The following ZNF430 variants were observed in gnomAD, a reference collection of about 807,000 sequenced individuals.
The protein encoded by ZNF430 is zinc finger protein 430.
A neutral mutation model predicts 56.7 loss-of-function variants in ZNF430; 35 were observed. That is an observed-to-expected ratio of 0.62 (90% CI 0.47 to 0.82). The LOEUF is 0.82. Among genes scored for constraint, ZNF430 ranks in the 40% least tolerant of loss-of-function variants. The pLI is 0.00. For missense variants in ZNF430, 574 were observed against 661.0 expected, an observed-to-expected ratio of 0.87 and a Z score of 1.44; for synonymous variants, 212 against 224.3, an observed-to-expected ratio of 0.94 and a Z score of 0.49.
intron 4 of ZNF430, among the ~76,000 whole-genome samples, chr19:21,040,471 A>T (rs184105282): frequency 1.8e-3 from 279 of 152,242 alleles, no homozygotes; most frequent in African/African-American, 6.5e-3. Context: ...TTCACCTCAC[A>T]CTTGCTCTGT....
intron 3 of ZNF430, 74 bp downstream of exon 3, chr19:21,033,656 TG>T (rs1379962397): frequency 6.8e-7 from 1 of 1,469,718 alleles, no homozygotes; most frequent in South Asian, 1.3e-5. Flanking sequence ...GAATAATTTT[TG>T]GTAATTTATG....
At chr19:21,025,911 C>G in intron 2 of ZNF430, 1 of 405,234 alleles carries the variant, frequency 2.5e-6, no homozygotes, top group Non-Finnish European at 4.6e-6. Flanking sequence ...GCAGCCATAT[C>G]TTCTTAATAC....
intron 4 of ZNF430, among the ~76,000 whole-genome samples, chr19:21,038,970 G>A (rs1968052013): frequency 6.6e-6 from 1 of 152,044 alleles, no homozygotes; most frequent in Non-Finnish European, 1.5e-5. Flanking sequence ...ATTGATTCGA[G>A]ACAGAGTCTC....
intron 2 of ZNF430, among the ~76,000 whole-genome samples, chr19:21,031,029 C>T (rs548837595): frequency 6.6e-6 from 1 of 152,146 alleles, no homozygotes; most frequent in South Asian, 2.1e-4. Context: ...ATTACAGGCA[C>T]CCGCCACCAT....
rs1204700032 is a variant in ZNF430, at chr19:21,056,905, T to C, written c.597T>C (p.His199=). 6.2e-7 allele frequency: 1 copy of C among 1,612,494 alleles called. No homozygotes were observed. Among genetic ancestry groups the C allele is most frequent in the Admixed American group, 1.7e-5 (1 of 59,746 alleles). The stretch of plus-strand genomic sequence containing the variant: ...ATCCAAATATACAAAAGATAAGACA[T>C]ACTGGAAAGAAGCCTTTCAAATGTA... ...FSNPNIQKIR[H]TGKKPFKCKK... Residue 199 remains histidine, a synonymous_variant, in exon 5 of 5, where the codon CAT becomes CAC. Coordinates refer to ENST00000261560, the MANE Select transcript of ZNF430 (RefSeq NM_025189.4).
chr19:21,047,199 C>G (rs974600060), intron 4 of ZNF430, among the ~76,000 whole-genome samples: 4 of 152,020 alleles, frequency 2.6e-5, no homozygotes, highest in Non-Finnish European at 5.9e-5. Context: ...ATTTATGTTC[C>G]TCTCTAAATT....
At chr19:21,025,447 A>G (rs945653500) in intron 2 of ZNF430, among the ~76,000 whole-genome samples, 8 of 152,114 alleles carry the variant, frequency 5.3e-5, no homozygotes, top group African/African-American at 1.9e-4. Flanking sequence ...TATAACCTGT[A>G]TCTTGTGCTG....
In ZNF430 at chr19:21,058,690, C is replaced by T. The variant is rs988976425; in HGVS notation, c.*669C>T. ...TGTGGCAAAACTTTTAATGAATGCT[C>T]ACACCTTATTGCACAGGAGAGCATT... is the stretch of plus-strand genomic sequence containing the variant. On this transcript the variant is annotated 3_prime_UTR_variant, in exon 5 of 5. Coordinates refer to ENST00000261560, the MANE Select transcript of ZNF430 (RefSeq NM_025189.4). 1 of 152,874 alleles carries T rather than the reference C, an allele frequency of 6.5e-6. No individual in the cohort carries two copies. The highest frequency in any genetic ancestry group is 2.4e-5 in the African/African-American group (1 of 41,340). 9.5% of individuals were successfully genotyped at this position (152,874 alleles called of 1,614,324 possible).
rs893483837 is a variant in ZNF430, at chr19:21,047,828, T to G, written c.323-8803T>G. Among the ~76,000 whole-genome samples the G allele has an allele frequency of 2.0e-5, 3 of 152,198 alleles. No individual in the cohort carries two copies. The East Asian group carries it at 5.8e-4, about 29-fold the overall frequency. ...TCACCCAGTCAGGATGCATGAGATC[T>G]GGGAACCACTTAAGAAAGCACTCTG... is the stretch of plus-strand genomic sequence containing the variant. On this transcript the variant is annotated intron_variant, in intron 4 of 4. Transcript: ENST00000261560.
At chr19:21,041,509 A>G (rs1343353014) in intron 4 of ZNF430, among the ~76,000 whole-genome samples, 3 of 152,178 alleles carry the variant, frequency 2.0e-5, no homozygotes, top group Non-Finnish European at 2.9e-5. Context: ...TTGTTTAAAT[A>G]TTATTTTTTG....
rs1968417898 is a variant in ZNF430 at position 21,058,336 on chromosome 19, C to T, written c.*315C>T. 2 of 221,614 alleles carry T rather than the reference C, an allele frequency of 9.0e-6. No homozygotes were observed. Among genetic ancestry groups the T allele is most frequent in the South Asian group, 1.6e-4 (2 of 12,122 alleles). 13.7% of individuals were successfully genotyped at this position (221,614 alleles called of 1,614,324 possible). The stretch of plus-strand genomic sequence containing the variant: ...GTGCATGCCTGTAATCCCAGCTACT[C>T]GGGAGGCTGAGGCAGGAGAATTGCT... On this transcript the variant is annotated 3_prime_UTR_variant, in exon 5 of 5. Transcript: ENST00000261560.
chr19:21,023,500 T>C (rs1967738379), intron 2 of ZNF430, among the ~76,000 whole-genome samples: 1 of 152,244 alleles, frequency 6.6e-6, no homozygotes, highest in Admixed American at 6.5e-5. Context: ...TTAAAAATTC[T>C]CTATTCCCTT....
chr19:21,029,690 G>A (rs531280368), intron 2 of ZNF430, among the ~76,000 whole-genome samples: 2 of 152,124 alleles, frequency 1.3e-5, no homozygotes, highest in Non-Finnish European at 2.9e-5. Context: ...GTTTTGGCTG[G>A]GTGTGGTGGC....
intron 4 of ZNF430, among the ~76,000 whole-genome samples, chr19:21,046,591 C>G (rs1968189124): frequency 6.6e-6 from 1 of 152,066 alleles, no homozygotes; most frequent in Non-Finnish European, 1.5e-5. Context: ...TCCTCCTTTA[C>G]TTATGAAGCT....
chr19:21,050,439 T>G (rs13345915), intron 4 of ZNF430, among the ~76,000 whole-genome samples: 2,314 of 152,360 alleles, frequency 0.015, 67 homozygotes, highest in African/African-American at 0.053. Flanking sequence ...GCCATATGTC[T>G]ATTGCCAATA....
rs528397507 is a variant in ZNF430 at position 21,050,604 on chromosome 19, G to T, written c.323-6027G>T. On this transcript the variant is annotated intron_variant, in intron 4 of 4. Transcript: ENST00000261560. ...TCTATTGTGAATCTATATTATTTTT[G>T]TGTGGAAGAAACACTCTTGGATTTG... 1.2e-4 allele frequency among the ~76,000 whole-genome samples: 17 copies of T among 144,752 alleles called. No homozygotes were observed. The East Asian group carries it at 3.3e-3, about 28-fold the overall frequency. 95.0% of individuals were successfully genotyped at this position (144,752 alleles called of 152,430 possible). A position where few individuals can be genotyped will look rare whatever the true frequency, so the allele number is the denominator to read the frequency against.
chr19:21,023,527 G>A (rs1480664602), intron 2 of ZNF430, among the ~76,000 whole-genome samples: 1 of 152,156 alleles, frequency 6.6e-6, no homozygotes, highest in Non-Finnish European at 1.5e-5. Flanking sequence ...CCCAGGGTGA[G>A]TTTAGGAATT....
At chr19:21,039,260 T>A (rs753988298) in intron 4 of ZNF430, among the ~76,000 whole-genome samples, 36 of 151,914 alleles carry the variant, frequency 2.4e-4, no homozygotes, top group Non-Finnish European at 4.9e-4. Context: ...TATTTTTATT[T>A]TATTTATTTT....
chr19:21,023,653 A>T (rs1160389177), intron 2 of ZNF430, among the ~76,000 whole-genome samples: 2 of 152,208 alleles, frequency 1.3e-5, no homozygotes, highest in Non-Finnish European at 2.9e-5. Flanking sequence ...TTTTGTAGAA[A>T]ATAAATACAT....
Sources: allele counts gnomAD v4.1 joint callset (sites outside exome capture counted in the v4.1 genomes callset), GRCh38; gene constraint gnomAD v4.1.1; transcripts MANE v1.5; gene names NCBI Gene and HGNC (gene_info 2026-07-23, HGNC 2026-07-21).